The following AZIN2 variants were observed in gnomAD, a reference collection of about 807,000 sequenced individuals.
The protein encoded by AZIN2 is ODC antizyme inhibitor-2.
A neutral mutation model predicts 47.8 loss-of-function variants in AZIN2; 28 were observed. The ratio of observed to expected loss-of-function variants is 0.59; its 90% CI spans 0.43 to 0.80. The LOEUF (loss-of-function observed/expected upper bound fraction) is 0.80, where lower values mean the gene tolerates loss of function less well. Ranked by LOEUF, AZIN2 falls within the 30% of genes least tolerant of loss-of-function variation. AZIN2 has a pLI of 0.00. For synonymous variants in AZIN2, 221 were observed against 239.4 expected (o/e 0.92, Z 0.71); for missense variants, 535 against 582.5 (o/e 0.92, Z 0.84).
At chr1:33,158,718 T>C in the AZIN2 span, among the ~76,000 whole-genome samples, 5 of 152,190 alleles carry the variant, frequency 3.3e-5, no homozygotes, top group Admixed American at 2.6e-4. Context: ...TGACTAAGTG[T>C]TATTACTACT....
intron 10 of AZIN2, among the ~76,000 whole-genome samples, chr1:33,100,134 A>C (rs1356691749): frequency 1.3e-5 from 2 of 152,088 alleles, no homozygotes; most frequent in Non-Finnish European, 2.9e-5. Flanking sequence ...CAGTCTAGCC[A>C]ACATGGTGAA....
At chr1:33,147,775 G>A in the AZIN2 span, 3 of 1,574,432 alleles carry the variant, frequency 1.9e-6, no homozygotes, top group Admixed American at 5.2e-5. The surrounding 1 kb of genome is among the most constrained non-coding windows in gnomAD (Gnocchi z 8.1). Context: ...AGAAGGCTGT[G>A]GACCCACCAT....
chr1:33,129,706 C>T, the AZIN2 span, among the ~76,000 whole-genome samples: 1 of 152,144 alleles, frequency 6.6e-6, no homozygotes, highest in Non-Finnish European at 1.5e-5. This position sits in a 1 kb window ranked among gnomAD's most constrained non-coding sequence, Gnocchi z 4.1. Flanking sequence ...AGATTCTCTT[C>T]CTGGTTTGCA....
At chr1:33,138,954 T>C in the AZIN2 span, among the ~76,000 whole-genome samples, 1 of 152,178 alleles carries the variant, frequency 6.6e-6, no homozygotes, top group Non-Finnish European at 1.5e-5. Context: ...TGAAAGATGA[T>C]CATATTTGTG....
chr1:33,084,231 G>T, intron 5 of AZIN2, 104 bp downstream of exon 5: 1 of 1,415,188 alleles, frequency 7.1e-7, no homozygotes, highest in Non-Finnish European at 9.7e-7. Context: ...ACCTGTAGTT[G>T]GTCCTTGCCC....
chr1:33,146,074 T>G, the AZIN2 span: 1 of 352,198 alleles, frequency 2.8e-6, no homozygotes, highest in Non-Finnish European at 5.7e-6. Context: ...TTCCTGCAGA[T>G]GGGGGCAGCT....
At chr1:33,111,722 C>A (rs1477426144) in intron 10 of AZIN2, among the ~76,000 whole-genome samples, 2 of 152,018 alleles carry the variant, frequency 1.3e-5, no homozygotes, top group Admixed American at 1.3e-4. Context: ...CCACCTCAGC[C>A]TCCCAGGTAG....
the AZIN2 span, chr1:33,146,850 G>A: frequency 2.6e-6 from 1 of 381,528 alleles, no homozygotes. Flanking sequence ...GGGCTGGGCT[G>A]GAGGGAGACA....
chr1:33,154,848 C>G, the AZIN2 span, among the ~76,000 whole-genome samples: 1 of 150,784 alleles, frequency 6.6e-6, no homozygotes, highest in African/African-American at 2.4e-5. Context: ...AATCCCAGCA[C>G]TTTGGGAGGC....
At chr1:33,100,713 C>T (rs1643614983) in intron 10 of AZIN2, among the ~76,000 whole-genome samples, 1 of 152,134 alleles carries the variant, frequency 6.6e-6, no homozygotes, top group Admixed American at 6.5e-5. Flanking sequence ...ATCACAATTC[C>T]ATTATCAAAT....
the AZIN2 span, chr1:33,163,727 G>A: frequency 6.6e-6 from 1 of 152,298 alleles, no homozygotes; most frequent in Non-Finnish European, 1.5e-5. Flanking sequence ...CCTGAGGAGG[G>A]AGATCAGACA....
intron 5 of AZIN2, among the ~76,000 whole-genome samples, chr1:33,088,566 A>G (rs1417996475): frequency 6.6e-6 from 1 of 152,178 alleles, no homozygotes; most frequent in Admixed American, 6.5e-5. Context: ...CATCACATGC[A>G]GGGTAAAACA....
rs1644792224 is a variant in AZIN2, at chr1:33,121,410, A to C, written c.*1228A>C. Reference sequence around the variant, plus strand: ...AAACCCCGTCTCTACTAAAAATACAAAAATTAGCCAGGTGTGGTGGTATGT... The same window carrying C: ...AAACCCCGTCTCTACTAAAAATACACAAATTAGCCAGGTGTGGTGGTATGT... On this transcript the variant is annotated 3_prime_UTR_variant, in exon 12 of 12. Coordinates refer to ENST00000294517, the MANE Select transcript of AZIN2 (RefSeq NM_052998.4). Among the ~76,000 whole-genome samples the C allele has an allele frequency of 6.6e-6, 1 of 152,078 alleles. No homozygotes were observed. The highest frequency in any genetic ancestry group is 1.5e-5 in the Non-Finnish European group (1 of 68,008).
chr1:33,106,209 A>G (rs1380390899), intron 10 of AZIN2, among the ~76,000 whole-genome samples: 2 of 152,188 alleles, frequency 1.3e-5, no homozygotes, highest in Non-Finnish European at 2.9e-5. Flanking sequence ...ACCTACAAAG[A>G]CTCAATCATG....
At chr1:33,098,325 C>T in intron 10 of AZIN2, 146 bp downstream of exon 10, 1 of 594,520 alleles carries the variant, frequency 1.7e-6, no homozygotes, top group African/African-American at 1.9e-5. Context: ...CACCCATAAT[C>T]CCACCACACT....
At chr1:33,102,910 T>A (rs2124590644) in intron 10 of AZIN2, among the ~76,000 whole-genome samples, 1 of 152,354 alleles carries the variant, frequency 6.6e-6, no homozygotes, top group South Asian at 2.1e-4. Flanking sequence ...GCACTGCCAC[T>A]AGCCAACTGC....
chr1:33,114,213 G>A lies in AZIN2; in HGVS notation c.1030-3689G>A, dbSNP rs147641564. ...CTCAGCTCACTGAAACCTCCGTCCG[G>A]GTTCAAATGATTCGCCTGTGTCAGC... On this transcript the variant is annotated intron_variant, in intron 10 of 11. Coordinates refer to ENST00000294517, the MANE Select transcript of AZIN2 (RefSeq NM_052998.4). Among the ~76,000 whole-genome samples the A allele has an allele frequency of 4.8e-3, 721 of 150,662 alleles. 1 individual carries two copies. Among genetic ancestry groups the A allele is most frequent in the African/African-American group, 0.017 (691 of 41,072 alleles).
chr1:33,147,393 C>A, the AZIN2 span: 12 of 1,614,046 alleles, frequency 7.4e-6, no homozygotes, highest in Non-Finnish European at 1.0e-5. This position sits in a 1 kb window ranked among gnomAD's most constrained non-coding sequence, Gnocchi z 8.1. Context: ...TAAGCCGCGT[C>A]CAGGGCTCCG....
intron 10 of AZIN2, among the ~76,000 whole-genome samples, chr1:33,104,351 A>C (rs1166654186): frequency 6.6e-6 from 1 of 152,172 alleles, no homozygotes; most frequent in Non-Finnish European, 1.5e-5. Flanking sequence ...GCATGTGTGC[A>C]TGTATTTAAT....
Sources: gnomAD v4.1 joint callset for allele counts (sites outside exome capture counted in the v4.1 genomes callset) on GRCh38, gnomAD v4.1.1 for gene constraint, Gnocchi (gnomAD v3.1) non-coding constraint, MANE v1.5 for transcripts, NCBI Gene and HGNC (gene_info 2026-07-23, HGNC 2026-07-21) for gene names.